Variants in MYH8 observed in about 807,000 individuals in gnomAD.
MYH8 encodes myosin-8.
MYH8 carries 168 observed loss-of-function variants against 233.2 expected under a neutral mutation model. The observed-to-expected ratio is 0.72, with a 90% CI of 0.64 to 0.82. The LOEUF is 0.82. Ranked by LOEUF, MYH8 falls within the 40% of genes least tolerant of loss-of-function variation. The pLI, the probability that MYH8 is intolerant of heterozygous loss-of-function variation, is 0.00. For synonymous variants in MYH8, 785 were observed against 850.6 expected, an observed-to-expected ratio of 0.92 and a Z score of 1.34; for missense variants, 1,995 against 2,327.8, an observed-to-expected ratio of 0.86 and a Z score of 2.94.
chr17:10,398,861 C>T lies in MYH8; in HGVS notation c.3888G>A (p.Glu1296=). The T allele has an allele frequency of 6.2e-7, 1 of 1,613,322 alleles. No individual in the cohort carries two copies. ...AAAGCTGAGAGACTAAAGCATCTTTCTCATCTAATTGTCGAGAATATTCAC... is the reference window on the plus strand; with the variant it reads ...AAAGCTGAGAGACTAAAGCATCTTTTTCATCTAATTGTCGAGAATATTCAC... ...EAGEYSRQLD[E]KDALVSQLSR... The change falls in exon 29 of 40, where the codon GAG becomes GAA. Residue 1296 remains glutamate (E), a synonymous_variant. Coordinates refer to ENST00000403437, the MANE Select transcript of MYH8 (RefSeq NM_002472.3).
intron 14 of MYH8, 136 bp downstream of exon 14, chr17:10,412,234 T>G: frequency 6.5e-7 from 1 of 1,542,904 alleles, no homozygotes; most frequent in Non-Finnish European, 8.9e-7. Flanking sequence ...ACCTCCTATT[T>G]TGGAGATAAC....
chr17:10,391,802 C>G, intron 39 of MYH8, 80 bp downstream of exon 39: 1 of 1,048,738 alleles, frequency 9.5e-7, no homozygotes, highest in Non-Finnish European at 1.5e-6. Context: ...TTGTCTTCTT[C>G]CTTATTGACG....
intron 28 of MYH8, among the ~76,000 whole-genome samples, chr17:10,399,249 CTGTG>C (rs59619326): frequency 3.3e-5 from 5 of 149,710 alleles, no homozygotes; most frequent in South Asian, 2.1e-4. Flanking sequence ...GATACTCAAC[CTGTG>C]TGTGTGTGTG....
chr17:10,406,320 G>T lies in MYH8; in HGVS notation c.2249C>A (p.Ala750Glu), dbSNP rs765353703. ...DSKKASEKLL[A>E]SIDIDHTQYK... ...TTGAGTATGATCAATATCAATAGATGCAAGAAGTTTCTCAGAAGCCTTCTT... is the reference window on the plus strand; with the variant it reads ...TTGAGTATGATCAATATCAATAGATTCAAGAAGTTTCTCAGAAGCCTTCTT... Residue 750 changes from alanine to glutamate, a missense_variant, in exon 20 of 40, where the codon GCA becomes GAA. Around this residue, in one of 3 missense-constraint regions of MYH8, gnomAD observed 1,498 missense variants for 1,680.9 expected, o/e 0.89. Coordinates refer to ENST00000403437, the MANE Select transcript of MYH8 (RefSeq NM_002472.3). 1.9e-6 allele frequency: 3 copies of T among 1,613,620 alleles called. No homozygotes were observed. Among genetic ancestry groups the T allele is most frequent in the Non-Finnish European group, 2.5e-6 (3 of 1,179,678 alleles).
In MYH8 at chr17:10,406,363, C is replaced by T. The variant is rs754772545; in HGVS notation, c.2206G>A (p.Gly736Arg). 3.1e-6 allele frequency: 5 copies of T among 1,613,838 alleles called. No homozygotes were observed. The South Asian group carries it at 5.5e-5, about 18-fold the overall frequency. Residue 736 changes from glycine (G) to arginine (R), a missense_variant, in exon 20 of 40, where the codon GGA becomes AGA. Physicochemically the swap from Gly to Arg is moderately radical, Grantham distance 125. Coordinates refer to ENST00000403437, the MANE Select transcript of MYH8 (RefSeq NM_002472.3). The stretch of plus-strand genomic sequence containing the variant: ...GCCTTCTTGCTGTCAATGAACTGTC[C>T]CTCTGGAATAGCACTTGCATTTAAA... The part of the protein sequence containing the change: ...KVLNASAIPE[G>R]QFIDSKKASE...
At chr17:10,401,218 A>T in intron 24 of MYH8, 27 bp from the exon 25 acceptor site, 1 of 1,613,228 alleles carries the variant, frequency 6.2e-7, no homozygotes, top group Non-Finnish European at 8.5e-7. Flanking sequence ...TATGGTAAAA[A>T]TTGAAAGTAT....
chr17:10,401,460 G>A lies in MYH8; in HGVS notation c.2932-9C>T, dbSNP rs1192396681. ...TCTGTAAGATTTTTCACCTACAAAG[G>A]TTAAGAAAGAGATTATTTCTCCTAT... On this transcript the variant is annotated splice_polypyrimidine_tract_variant and intron_variant, in intron 23 of 39. Coordinates refer to ENST00000403437, the MANE Select transcript of MYH8 (RefSeq NM_002472.3). 6.2e-7 allele frequency: 1 copy of A among 1,614,000 alleles called. No individual in the cohort carries two copies. The highest frequency in any genetic ancestry group is 2.2e-5 in the East Asian group (1 of 44,866).
intron 12 of MYH8, among the ~76,000 whole-genome samples, chr17:10,413,341 T>C (rs1184923127): frequency 1.3e-5 from 2 of 152,246 alleles, no homozygotes; most frequent in African/African-American, 4.8e-5. Context: ...TAAGGAGCGA[T>C]AACTGTCTTT....
At chr17:10,408,247 A>G (rs929562091) in intron 17 of MYH8, among the ~76,000 whole-genome samples, 4 of 152,180 alleles carry the variant, frequency 2.6e-5, no homozygotes, top group African/African-American at 9.7e-5. Context: ...CCAAGAAGGC[A>G]GATTTTTTTT....
At position 10,406,179 on chromosome 17, in the gene MYH8, T is replaced by C; in HGVS notation, c.2296-2A>G. 6.2e-7 allele frequency: 1 copy of C among 1,614,064 alleles called. No individual in the cohort carries two copies. Among genetic ancestry groups the C allele is most frequent in the Non-Finnish European group, 8.5e-7 (1 of 1,179,994 alleles). On this transcript the variant is annotated splice_acceptor_variant, in intron 20 of 39. Coordinates refer to ENST00000403437, the MANE Select transcript of MYH8 (RefSeq NM_002472.3). LOFTEE classifies it high-confidence loss of function. ...CAGAAGTCCAGCTTTGAAGAAAACC[T>C]GGAGAAAGAGAGAGTCACAAATCAT...
Position 10,396,577 on chromosome 17 carries a change from T to G in MYH8, c.4504A>C (p.Arg1502=). Reference sequence around the variant, plus strand: ...CGTTGCAAGTTCTTATTTTCTCTTCTTAGCGTTTCGAGTTGATCCAGGGAT... The same window carrying G: ...CGTTGCAAGTTCTTATTTTCTCTTCGTAGCGTTTCGAGTTGATCCAGGGAT... ...EESLDQLETL[R]RENKNLQQEI... The change falls in exon 32 of 40, where the codon AGA becomes CGA. Residue 1502 remains arginine (R), a synonymous_variant. Coordinates refer to ENST00000403437, the MANE Select transcript of MYH8 (RefSeq NM_002472.3). The surrounding 1 kb of genome is among the most constrained non-coding windows in gnomAD (Gnocchi z 4.2). The G allele has an allele frequency of 6.2e-7, 1 of 1,614,156 alleles. No individual in the cohort carries two copies. The highest frequency in any genetic ancestry group is 8.5e-7 in the Non-Finnish European group (1 of 1,180,016).
At chr17:10,391,816 T>A (rs979291719) in intron 39 of MYH8, 66 bp downstream of exon 39, 1 of 1,211,854 alleles carries the variant, frequency 8.3e-7, no homozygotes, top group Non-Finnish European at 1.2e-6. Context: ...ATTGACGCAT[T>A]CTCTTAAAAC....
At chr17:10,398,739 T>A (rs1166775119) in intron 29 of MYH8, 29 bp downstream of exon 29, 6 of 1,613,900 alleles carry the variant, frequency 3.7e-6, no homozygotes, top group Non-Finnish European at 5.1e-6. Flanking sequence ...TAGATTTGGT[T>A]AGTCAAAAAA....
rs774333066 is a variant in MYH8, at chr17:10,399,579, G to T, written c.3826C>A (p.Leu1276Ile). The T allele has an allele frequency of 6.2e-7, 1 of 1,614,002 alleles. No homozygotes were observed. The highest frequency in any genetic ancestry group is 8.5e-7 in the Non-Finnish European group (1 of 1,180,034). Residue 1276 changes from leucine to isoleucine, a missense_variant, in exon 28 of 40, where the codon CTC becomes ATC. This residue lies in a region of MYH8 where 1,498 missense variants were observed against 1,680.9 expected (regional missense o/e 0.89). Transcript: ENST00000403437. ...EEEQQRLINDLTAQRARLQTE... is the reference protein window; with the variant it reads ...EEEQQRLINDITAQRARLQTE... ...TGCAGGCGCGCTCTCTGTGCTGTGA[G>T]GTCATTGATCAGCCGCTGCTGCTCC...
rs147618682 is a variant in MYH8 at position 10,401,672 on chromosome 17, C to G, written c.2802G>C (p.Glu934Asp). The part of the protein sequence containing the change: ...EVTERAEEEE[E>D]INAELTAKKR... ...TCTTGGCTGTCAGCTCAGCATTGATCTCTTCCTCCTCCTCAGCTCTTTCAG... is the reference window on the plus strand; with the variant it reads ...TCTTGGCTGTCAGCTCAGCATTGATGTCTTCCTCCTCCTCAGCTCTTTCAG... Residue 934 changes from glutamate (E) to aspartate (D), a missense_variant, in exon 23 of 40, where the codon GAG becomes GAC. Glu to Asp is a conservative substitution (Grantham distance 45). This residue lies in a region of MYH8 where 1,498 missense variants were observed against 1,680.9 expected (regional missense o/e 0.89). Coordinates refer to ENST00000403437, the MANE Select transcript of MYH8 (RefSeq NM_002472.3). The G allele has an allele frequency of 6.2e-7, 1 of 1,614,036 alleles. No homozygotes were observed. The highest frequency in any genetic ancestry group is 1.3e-5 in the African/African-American group (1 of 74,914).
chr17:10,398,458 C>A lies in MYH8; in HGVS notation c.4164G>T (p.Glu1388Asp). The change falls in exon 30 of 40, where the codon GAG (glutamate) becomes GAT (aspartate). Residue 1388 changes from glutamate to aspartate, a missense_variant. Coordinates refer to ENST00000403437, the MANE Select transcript of MYH8 (RefSeq NM_002472.3). Reference sequence around the variant, plus strand: ...ACAGCACATACTTGGCCTCCTCCAGCTCCTCTGTGCGCTGGATGGCATCCG... The same window carrying A: ...ACAGCACATACTTGGCCTCCTCCAGATCCTCTGTGCGCTGGATGGCATCCG... ...YETDAIQRTE[E>D]LEEAKKKLAQ... is the part of the protein sequence containing the mutation. 1 of 1,614,002 alleles carries A rather than the reference C, an allele frequency of 6.2e-7. No individual in the cohort carries two copies. Among genetic ancestry groups the A allele is most frequent in the East Asian group, 2.2e-5 (1 of 44,880 alleles).
rs1006285204 is a variant in MYH8 at position 10,413,844 on chromosome 17, A to C, written c.1147+58T>G. On this transcript the variant is annotated intron_variant, in intron 12 of 39. Transcript: ENST00000403437. ...CACAAAGGAGATGTGAGTGTAAAAT[A>C]GGATTTTTTTTTTTGCTACATTCTC... The C allele has an allele frequency of 2.5e-6, 4 of 1,611,020 alleles. No individual in the cohort carries two copies. The African/African-American group carries it at 4.0e-5, about 16-fold the overall frequency.
chr17:10,413,340 A>T (rs2072261289), intron 12 of MYH8, among the ~76,000 whole-genome samples: 1 of 152,246 alleles, frequency 6.6e-6, no homozygotes, highest in African/African-American at 2.4e-5. Flanking sequence ...TTAAGGAGCG[A>T]TAACTGTCTT....
At position 10,399,599 on chromosome 17, in the gene MYH8, T is replaced by C. The variant is rs1171937682; in HGVS notation, c.3806A>G (p.Gln1269Arg). 1.2e-6 allele frequency: 2 copies of C among 1,614,162 alleles called. No individual in the cohort carries two copies. The highest frequency in any genetic ancestry group is 1.7e-6 in the Non-Finnish European group (2 of 1,180,030). The change falls in exon 28 of 40, where the codon CAG (glutamine) becomes CGG (arginine). Residue 1269 changes from glutamine (Q) to arginine (R), a missense_variant. Coordinates refer to ENST00000403437, the MANE Select transcript of MYH8 (RefSeq NM_002472.3). The part of the protein sequence containing the change: ...VSELKTKEEE[Q>R]QRLINDLTAQ... The stretch of plus-strand genomic sequence containing the variant: ...TGTGAGGTCATTGATCAGCCGCTGC[T>C]GCTCCTCTTCCTTGGTCTTAAGCTC...
Sources: allele counts gnomAD v4.1 joint callset (sites outside exome capture counted in the v4.1 genomes callset), GRCh38; gene constraint gnomAD v4.1.1; regional missense constraint gnomAD v4.1.1; non-coding constraint Gnocchi (gnomAD v3.1); transcripts MANE v1.5; gene names NCBI Gene and HGNC (gene_info 2026-07-23, HGNC 2026-07-21).